Variants in FMR1 observed in about 807,000 individuals in gnomAD.
FMR1 encodes the protein fragile X messenger ribonucleoprotein 1.
FMR1 carries 13 observed loss-of-function variants against 50.6 expected under a neutral mutation model. The ratio of observed to expected loss-of-function variants is 0.26; its 90% CI spans 0.17 to 0.41. The LOEUF (loss-of-function observed/expected upper bound fraction) is 0.41, where lower values mean the gene tolerates loss of function less well. FMR1 is among the 10% of genes least tolerant of loss of function. FMR1 has a pLI of 1.00. For synonymous variants in FMR1, 138 were observed against 164.1 expected, an observed-to-expected ratio of 0.84 and a Z score of 1.22; for missense variants, 316 against 491.3, an observed-to-expected ratio of 0.64 and a Z score of 3.37.
chrX:147,916,475 G>A (rs2042870036), intron 1 of FMR1, among the ~76,000 whole-genome samples: 1 of 111,112 alleles, frequency 9.0e-6, no homozygotes, highest in African/African-American at 3.3e-5. Context: ...TATATATGAA[G>A]CCTTGGGTTT....
chrX:147,920,575 A>G (rs1569545352), intron 1 of FMR1, among the ~76,000 whole-genome samples: 2 of 111,859 alleles, frequency 1.8e-5, no homozygotes, highest in East Asian at 5.6e-4. Flanking sequence ...GATCTATTTG[A>G]TAAGTACTCA....
intron 1 of FMR1, chrX:147,913,853 T>C (rs1319252498): frequency 1.8e-5 from 2 of 112,129 alleles, no homozygotes; most frequent in African/African-American, 6.5e-5. Flanking sequence ...TTTTGGTCAC[T>C]AGATTTCTGG....
In FMR1 at chrX:147,912,081, A is replaced by AGGCGGCGGCGGCGGCGGCGGAGGC. The variant is rs1931647881; in HGVS notation, c.-79_-78insAGGCGGCGGCGGCGGCGGCGGCGG. 7.4e-5 allele frequency: 21 copies of AGGCGGCGGCGGCGGCGGCGGAGGC among 283,692 alleles called. No individual in the cohort carries two copies. The East Asian group carries it at 3.3e-3, about 44-fold the overall frequency. The allele number at this position is 283,692 out of a possible 1,213,427, so 23.4% of individuals were successfully genotyped here. ...GCGGCGGCGGCGGCGGCGGCGGCGGAGGCGGCGGCGGCGGCGGCGGCGGCG... is the reference window on the plus strand; with the variant it reads ...GCGGCGGCGGCGGCGGCGGCGGCGGAGGCGGCGGCGGCGGCGGCGGAGGCGGCGGCGGCGGCGGCGGCGGCGGCG... On this transcript the variant is annotated 5_prime_UTR_variant, in exon 1 of 17. Coordinates refer to ENST00000370475, the MANE Select transcript of FMR1 (RefSeq NM_002024.6).
chrX:147,922,027 A>T (rs141796490), intron 2 of FMR1, 42 bp downstream of exon 2: 18 of 807,999 alleles, frequency 2.2e-5, no homozygotes, highest in Non-Finnish European at 3.2e-5. Context: ...AGGTTCTTTA[A>T]TATTTTATGC....
Position 147,932,406 on chromosome X carries a change from G to C in FMR1, c.631-19G>C. 1 of 1,202,509 alleles carries C rather than the reference G, an allele frequency of 8.3e-7. No individual in the cohort carries two copies. Among genetic ancestry groups the C allele is most frequent in the Non-Finnish European group, 1.1e-6 (1 of 887,375 alleles). ...AATAGTTGATAAAGTGTATTCATCA[G>C]ACGTCCATTTCTCTTCAGAGTTCAA... On this transcript the variant is annotated intron_variant, in intron 7 of 16. Transcript: ENST00000370475.
chrX:147,918,555 C>CTATTTTTTTTTTTTTT (rs2042991520), intron 1 of FMR1, among the ~76,000 whole-genome samples: 1 of 47,277 alleles, frequency 2.1e-5, no homozygotes, highest in Non-Finnish European at 3.2e-5. Flanking sequence ...CCTGCAAAAG[C>CTATTTTTTTTTTTTTT]TTTTTTTTTT....
intron 13 of FMR1, among the ~76,000 whole-genome samples, chrX:147,942,201 C>T (rs2044031802): frequency 8.9e-6 from 1 of 112,389 alleles, no homozygotes; most frequent in African/African-American, 3.2e-5. Context: ...ACAGGAGCTT[C>T]TCCAATGACT....
At chrX:147,937,786 A>G (rs1557179961) in intron 11 of FMR1, among the ~76,000 whole-genome samples, 186 bp downstream of exon 11, 2 of 112,251 alleles carry the variant, frequency 1.8e-5, no homozygotes, top group Non-Finnish European at 3.8e-5. Context: ...ATTTATTCAC[A>G]GTAACAACTC....
At chrX:147,927,173 G>A (rs1295741319) in intron 3 of FMR1, among the ~76,000 whole-genome samples, 2 of 112,237 alleles carry the variant, frequency 1.8e-5, no homozygotes, top group Non-Finnish European at 3.8e-5. Context: ...CCAGAAGACT[G>A]TAAGCTCTCT....
At chrX:147,944,644 G>A in intron 14 of FMR1, 1 of 1,041,332 alleles carries the variant, frequency 9.6e-7, no homozygotes, top group East Asian at 3.6e-5. Flanking sequence ...TTAAAAATGA[G>A]AATGAAACAT....
At chrX:147,932,867 TTAATTGAAAC>T (rs2124522137) in intron 9 of FMR1, 104 bp downstream of exon 9, 12 of 542,489 alleles carry the variant, frequency 2.2e-5, no homozygotes, top group Middle Eastern at 5.5e-4. Flanking sequence ...AGGGTATCAT[TTAATTGAAAC>T]ATAGTCTTTG....
chrX:147,936,939 G>A (rs2043808676), intron 10 of FMR1, among the ~76,000 whole-genome samples: 1 of 111,793 alleles, frequency 8.9e-6, no homozygotes, highest in Admixed American at 9.5e-5. Context: ...GCTTCGTAAA[G>A]CACTTTGTAA....
intron 9 of FMR1, 42 bp from the exon 10 acceptor site, chrX:147,936,462 G>A: frequency 2.5e-6 from 2 of 811,034 alleles, no homozygotes; most frequent in Middle Eastern, 2.8e-4. Flanking sequence ...CTGCTTTGAG[G>A]TATGTGTTTT....
intron 1 of FMR1, among the ~76,000 whole-genome samples, chrX:147,921,633 T>G (rs1366281571): frequency 9.0e-6 from 1 of 111,696 alleles, no homozygotes; most frequent in African/African-American, 3.3e-5. Flanking sequence ...ACGTCCAGCT[T>G]TGCACTCACT....
rs1557181665 is a variant in FMR1 at position 147,945,043 on chromosome X, G to A, written c.1646G>A (p.Gly549Asp). Residue 549 changes from glycine to aspartate, a missense_variant, in exon 15 of 17, where the codon GGC (glycine) becomes GAC (aspartate). Gly to Asp is a moderately conservative substitution (Grantham distance 94, BLOSUM62 -1). Transcript: ENST00000370475. ...RGQGGRGRGG[G>D]FKGNDDHSRT... ...CAAGGAGGAAGAGGACGTGGAGGAG[G>A]CTTCAAAGGTATGGAGATCTTCATT... 8.5e-7 allele frequency: 1 copy of A among 1,177,897 alleles called. No individual in the cohort carries two copies. The highest frequency in any genetic ancestry group is 2.5e-5 in the Admixed American group (1 of 40,513).
At position 147,923,537 on chromosome X, in the gene FMR1, GCAAA is replaced by G. The variant is rs782588688; in HGVS notation, c.104+1555_104+1558del. On this transcript the variant is annotated intron_variant, in intron 2 of 16. Coordinates refer to ENST00000370475, the MANE Select transcript of FMR1 (RefSeq NM_002024.6). The stretch of plus-strand genomic sequence containing the variant: ...TGTAGTCTATAATCTAAAGTGTTAA[GCAAA>G]CACTCATTTCCTCTATGCATTTAAG... Among the ~76,000 whole-genome samples the G allele has an allele frequency of 1.9e-4, 21 of 111,813 alleles. 1 individual carries two copies. The East Asian group carries it at 4.8e-3, about 25-fold the overall frequency.
At chrX:147,944,019 A>G (rs782459161) in intron 14 of FMR1, 2 of 223,789 alleles carry the variant, frequency 8.9e-6, no homozygotes, top group African/African-American at 3.0e-5. Flanking sequence ...GAATGAAGCT[A>G]TAATGGTGAA....
At chrX:147,932,876 A>G (rs782435424) in intron 9 of FMR1, 113 bp downstream of exon 9, 1 of 516,360 alleles carries the variant, frequency 1.9e-6, no homozygotes, top group Admixed American at 3.4e-5. Context: ...TTTAATTGAA[A>G]CATAGTCTTT....
At chrX:147,935,039 T>G (rs1557179437) in intron 9 of FMR1, among the ~76,000 whole-genome samples, 1 of 112,097 alleles carries the variant, frequency 8.9e-6, no homozygotes, top group African/African-American at 3.2e-5. Flanking sequence ...ATTATCTTAA[T>G]AAAAACATCC....
Sources: allele counts gnomAD v4.1 joint callset (sites outside exome capture counted in the v4.1 genomes callset), GRCh38; gene constraint gnomAD v4.1.1; transcripts MANE v1.5; gene names NCBI Gene and HGNC (gene_info 2026-07-23, HGNC 2026-07-21).